The following KIAA1549 variants were observed in gnomAD, a reference collection of about 807,000 sequenced individuals.
The protein encoded by KIAA1549 is KIAA1549.
In KIAA1549, 70 loss-of-function variants were observed where a neutral mutation model predicts 156.4. The ratio of observed to expected loss-of-function variants is 0.45; its 90% CI spans 0.37 to 0.55. The LOEUF is 0.55. Ranked by LOEUF, KIAA1549 falls within the 20% of genes least tolerant of loss-of-function variation. The probability of loss-of-function intolerance (pLI) is 0.00; values close to 1 mark genes in which losing one functional copy is unlikely to be tolerated. For synonymous variants in KIAA1549, 1,103 were observed against 1,066.4 expected, an observed-to-expected ratio of 1.03 and a Z score of -0.67; for missense variants, 2,428 against 2,540.9, an observed-to-expected ratio of 0.96 and a Z score of 0.96.
chr7:138,936,586 G>A (rs1813016391), intron 1 of KIAA1549, among the ~76,000 whole-genome samples: 1 of 152,172 alleles, frequency 6.6e-6, no homozygotes, highest in African/African-American at 2.4e-5. Context: ...AGAGGCCACA[G>A]CATCCACAAA....
chr7:138,880,790 C>T (rs1348539776), intron 11 of KIAA1549, among the ~76,000 whole-genome samples: 1 of 152,116 alleles, frequency 6.6e-6, no homozygotes, highest in Non-Finnish European at 1.5e-5. Context: ...GGCAATTCTC[C>T]ATGTGCTATA....
intron 2 of KIAA1549, among the ~76,000 whole-genome samples, chr7:138,913,800 GT>G (rs1380667039): frequency 6.6e-6 from 1 of 152,040 alleles, no homozygotes; most frequent in African/African-American, 2.4e-5. Context: ...CTCCAAGTGG[GT>G]TGGACTATGC....
At chr7:138,978,032 C>T (rs1366347488) in intron 1 of KIAA1549, among the ~76,000 whole-genome samples, 3 of 152,130 alleles carry the variant, frequency 2.0e-5, no homozygotes, top group Admixed American at 6.5e-5. Context: ...TATTCATCAG[C>T]ATTACTTACA....
intron 2 of KIAA1549, among the ~76,000 whole-genome samples, 164 bp downstream of exon 2, chr7:138,916,582 CTG>C (rs1812326027): frequency 1.3e-5 from 2 of 152,222 alleles, no homozygotes; most frequent in South Asian, 4.1e-4. Context: ...GGATAAATAA[CTG>C]TTCTGAGAAC....
intron 11 of KIAA1549, among the ~76,000 whole-genome samples, chr7:138,880,181 T>G (rs1811202585): frequency 6.6e-6 from 1 of 152,234 alleles, no homozygotes; most frequent in African/African-American, 2.4e-5. Flanking sequence ...GGAAAATTCC[T>G]TCATCAGTTG....
At chr7:138,924,704 G>T (rs1193558621) in intron 1 of KIAA1549, among the ~76,000 whole-genome samples, 1 of 152,018 alleles carries the variant, frequency 6.6e-6, no homozygotes, top group African/African-American at 2.4e-5. Flanking sequence ...GGGACAAAGC[G>T]GCTGCAGTGC....
At chr7:138,866,074 G>A (rs1265822882) in intron 15 of KIAA1549, among the ~76,000 whole-genome samples, 2 of 152,068 alleles carry the variant, frequency 1.3e-5, no homozygotes, top group Non-Finnish European at 2.9e-5. Flanking sequence ...CACAGCACAA[G>A]AGCACCACCT....
At position 138,919,388 on chromosome 7, in the gene KIAA1549, C is replaced by A; in HGVS notation, c.238G>T (p.Val80Leu). 6.2e-7 allele frequency: 1 copy of A among 1,613,944 alleles called. No homozygotes were observed. The highest frequency in any genetic ancestry group is 1.1e-5 in the South Asian group (1 of 91,078). ...HNLSLYSMEL[V>L]LKKSTGHSAA... is the part of the protein sequence containing the mutation. ...CTGTGCCCAGTGCTTTTCTTCAGCA[C>A]GAGCTCCATGGAGTATAAAGAAAGG... Residue 80 changes from valine to leucine, a missense_variant, in exon 2 of 20, where the codon GTG becomes TTG. Around this residue, in one of 5 missense-constraint regions of KIAA1549, gnomAD observed 893 missense variants for 847.9 expected, o/e 1.05. Coordinates refer to ENST00000422774, the MANE Select transcript of KIAA1549 (RefSeq NM_001164665.2).
intron 1 of KIAA1549, among the ~76,000 whole-genome samples, chr7:138,933,255 C>G (rs768548814): frequency 6.6e-6 from 1 of 152,202 alleles, no homozygotes; most frequent in Non-Finnish European, 1.5e-5. Context: ...AGAGAAGAAT[C>G]ACCGAGGAGC....
chr7:138,961,043 G>A (rs1007805611), intron 1 of KIAA1549, among the ~76,000 whole-genome samples: 6 of 152,196 alleles, frequency 3.9e-5, no homozygotes, highest in Admixed American at 6.5e-5. Flanking sequence ...GCAGGCCATC[G>A]GACAGCACAG....
At chr7:138,847,300 C>A (rs1810106984) in intron 17 of KIAA1549, among the ~76,000 whole-genome samples, 1 of 152,178 alleles carries the variant, frequency 6.6e-6, no homozygotes, top group African/African-American at 2.4e-5. Flanking sequence ...CAGTCATGGT[C>A]CCCCATCTCT....
intron 17 of KIAA1549, among the ~76,000 whole-genome samples, chr7:138,847,517 T>A (rs1810113530): frequency 6.6e-6 from 1 of 152,214 alleles, no homozygotes; most frequent in Non-Finnish European, 1.5e-5. Context: ...AAGGGATGGC[T>A]GGGTTTGGTT....
rs1814537242 is a variant in KIAA1549 at position 138,981,165 on chromosome 7, G to A, written c.105C>T (p.Arg35=). ...GCCCCGGGCGGCGGCGGCGGGCGCA[G>A]CGGGCGGAAGGCCGTCGGCCGCTCG... ...PGPSGRRPSA[R]CARRRRPGLL... Residue 35 remains arginine, a synonymous_variant, in exon 1 of 20, where the codon CGC becomes CGT. Transcript: ENST00000422774. The surrounding 1 kb of genome is among the most constrained non-coding windows in gnomAD (Gnocchi z 4.5). 8.5e-7 allele frequency: 1 copy of A among 1,175,926 alleles called. No individual in the cohort carries two copies. Among genetic ancestry groups the A allele is most frequent in the Non-Finnish European group, 1.1e-6 (1 of 952,200 alleles). 72.8% of individuals were successfully genotyped at this position (1,175,926 alleles called of 1,614,324 possible).
In KIAA1549 at chr7:138,917,141, A is replaced by C. The variant is rs775829604; in HGVS notation, c.2485T>G (p.Ser829Ala). The stretch of plus-strand genomic sequence containing the variant: ...ACCGTACCAGTGGGAATGGCTTTGG[A>C]GAAAGAGGCCAGGACAGACACGTGA... The part of the protein sequence containing the change: ...DGHVSVLASF[S>A]KAIPTGTVLI... The change falls in exon 2 of 20, where the codon TCC becomes GCC. Residue 829 changes from serine (S) to alanine (A), a missense_variant. Physicochemically the swap from Ser to Ala is moderately conservative, Grantham distance 99. Around this residue, in one of 5 missense-constraint regions of KIAA1549, gnomAD observed 762 missense variants for 901.6 expected, o/e 0.85. Transcript: ENST00000422774. The C allele has an allele frequency of 5.0e-6, 8 of 1,613,516 alleles. No individual in the cohort carries two copies. The highest frequency in any genetic ancestry group is 3.3e-5 in the South Asian group (3 of 90,988).
intron 1 of KIAA1549, among the ~76,000 whole-genome samples, chr7:138,939,787 A>C (rs1412034812): frequency 6.6e-6 from 1 of 152,134 alleles, no homozygotes; most frequent in Non-Finnish European, 1.5e-5. Flanking sequence ...CTAGGCAGTC[A>C]CTGATGATCA....
In KIAA1549 at chr7:138,861,142, G is replaced by A; in HGVS notation, c.5244C>T (p.Cys1748=). The A allele has an allele frequency of 6.2e-7, 1 of 1,613,622 alleles. No homozygotes were observed. Among genetic ancestry groups the A allele is most frequent in the Non-Finnish European group, 8.5e-7 (1 of 1,179,758 alleles). The part of the protein sequence containing the change: ...YSPAQTANNP[C]SRYEDYGMTP... ...ATTCTAGAAGGCCAGTACTTACACT[G>A]CAGGGATTGTTGGCCGTCTGGGCTG... The change falls in exon 16 of 20, where the codon TGC becomes TGT. Residue 1748 remains cysteine, a synonymous_variant. Coordinates refer to ENST00000422774, the MANE Select transcript of KIAA1549 (RefSeq NM_001164665.2).
intron 1 of KIAA1549, among the ~76,000 whole-genome samples, chr7:138,937,704 C>T (rs2718132): frequency 0.22 from 33,450 of 151,788 alleles, 6,197 homozygotes; most frequent in African/African-American, 0.52. Context: ...GGAAATGGCT[C>T]ATACGAATGG....
intron 9 of KIAA1549, among the ~76,000 whole-genome samples, chr7:138,896,531 C>A (rs1247253040): frequency 6.6e-6 from 1 of 151,550 alleles, no homozygotes; most frequent in Non-Finnish European, 1.5e-5. Flanking sequence ...GAAGTACGGA[C>A]AGAATCAAAC....
chr7:138,893,309 T>A (rs1214749152), intron 10 of KIAA1549, among the ~76,000 whole-genome samples: 1 of 150,646 alleles, frequency 6.6e-6, no homozygotes, highest in East Asian at 2.0e-4. Flanking sequence ...AGATAGGGAG[T>A]GGGGGGAGGT....
Sources: gnomAD v4.1 joint callset for allele counts (sites outside exome capture counted in the v4.1 genomes callset) on GRCh38, gnomAD v4.1.1 for gene constraint, gnomAD v4.1.1 regional missense constraint, Gnocchi (gnomAD v3.1) non-coding constraint, MANE v1.5 for transcripts, NCBI Gene and HGNC (gene_info 2026-07-23, HGNC 2026-07-21) for gene names.